The following RNF17 variants were observed in gnomAD, a reference collection of about 807,000 sequenced individuals.
RNF17 encodes the protein spermatogenesis associated 23.
In RNF17, 31 loss-of-function variants were observed where a neutral mutation model predicts 200.5. The ratio of observed to expected loss-of-function variants is 0.15; its 90% CI spans 0.12 to 0.21. The LOEUF is 0.21. RNF17 is among the 10% of genes least tolerant of loss of function. The pLI, the probability that RNF17 is intolerant of heterozygous loss-of-function variation, is 1.00. For synonymous variants in RNF17, 606 were observed against 637.8 expected (o/e 0.95, Z 0.75); for missense variants, 1,628 against 1,905.1 (o/e 0.85, Z 2.71).
chr13:24,881,386 CAACT>C, downstream of RNF17, among the ~76,000 whole-genome samples: 2 of 152,010 alleles, frequency 1.3e-5, no homozygotes, highest in Admixed American at 1.3e-4. Flanking sequence ...AGTGATCTGC[CAACT>C]TTGGCCTCCC....
chr13:24,848,379 T>C (rs1311645960), intron 22 of RNF17, among the ~76,000 whole-genome samples: 1 of 151,898 alleles, frequency 6.6e-6, no homozygotes, highest in Non-Finnish European at 1.5e-5. Context: ...AGAACATTCA[T>C]GGCCGGACGC....
intron 22 of RNF17, among the ~76,000 whole-genome samples, chr13:24,847,998 A>G (rs1159296631): frequency 6.6e-6 from 1 of 152,228 alleles, no homozygotes; most frequent in Non-Finnish European, 1.5e-5. Flanking sequence ...ATGGACTGGA[A>G]TGGAATACCA....
chr13:24,874,202 A>T lies in RNF17; in HGVS notation c.4536A>T (p.Leu1512Phe). ...AIKEFNPLSI[L>F]VQFVDYGSTA... ...AAGAATTTAATCCTTTATCTATCTT[A>T]GTACAATTTGTTGATTATGGATCAA... Residue 1512 changes from leucine to phenylalanine, a missense_variant, in exon 33 of 36, where the codon TTA becomes TTT. Leu to Phe is a conservative substitution (Grantham distance 22). Transcript: ENST00000255324. 1 of 1,609,624 alleles carries T rather than the reference A, an allele frequency of 6.2e-7. No homozygotes were observed. Among genetic ancestry groups the T allele is most frequent in the South Asian group, 1.1e-5 (1 of 90,150 alleles).
At chr13:24,775,760 G>A (rs1189255611) in intron 3 of RNF17, among the ~76,000 whole-genome samples, 2 of 152,174 alleles carry the variant, frequency 1.3e-5, no homozygotes, top group Non-Finnish European at 2.9e-5. Flanking sequence ...AGCCAGAGAT[G>A]AGTATCTATG....
chr13:24,851,227 C>G lies in RNF17; in HGVS notation c.3205-229C>G, dbSNP rs148681199. Among the ~76,000 whole-genome samples the G allele has an allele frequency of 2.5e-4, 38 of 152,346 alleles. 2 individuals are homozygous for G. The East Asian group carries it at 7.1e-3, about 29-fold the overall frequency. On this transcript the variant is annotated intron_variant, in intron 23 of 35. Coordinates refer to ENST00000255324, the MANE Select transcript of RNF17 (RefSeq NM_031277.3). The stretch of plus-strand genomic sequence containing the variant: ...CAGGCTGGTCTCAAACTCCCGACCT[C>G]AAGTGATCCGCCCACTTCTGCCTCT...
At chr13:24,813,308 TACCACCAC>T (rs1290983486) in intron 15 of RNF17, among the ~76,000 whole-genome samples, 2 of 152,124 alleles carry the variant, frequency 1.3e-5, no homozygotes, top group South Asian at 2.1e-4. Flanking sequence ...TACAGGCACA[TACCACCAC>T]ACCTGTCTAA....
chr13:24,845,814 C>T lies in RNF17; in HGVS notation c.3101+735C>T, dbSNP rs115849600. 7.5e-3 allele frequency among the ~76,000 whole-genome samples: 1,135 copies of T among 152,284 alleles called. 15 individuals are homozygous for T. The highest frequency in any genetic ancestry group is 0.025 in the African/African-American group (1,049 of 41,544). ...ACTGGAGCGTTTTTAGCCGTATAAC[C>T]TCTTGAAAGTAAACTGAAACTCCTT... On this transcript the variant is annotated intron_variant, in intron 22 of 35. Transcript: ENST00000255324.
chr13:24,844,032 G>T, intron 20 of RNF17, 61 bp downstream of exon 20: 1 of 537,120 alleles, frequency 1.9e-6, no homozygotes, highest in Non-Finnish European at 2.9e-6. Context: ...CCTTTATTCT[G>T]TTTCAAAGAT....
intron 15 of RNF17, among the ~76,000 whole-genome samples, chr13:24,815,587 G>T (rs1172601879): frequency 6.6e-6 from 1 of 151,954 alleles, no homozygotes; most frequent in Non-Finnish European, 1.5e-5. Flanking sequence ...AATGCCTCTG[G>T]CTAGGATTTC....
the RNF17 span, among the ~76,000 whole-genome samples, chr13:24,748,503 C>T: frequency 1.3e-5 from 2 of 152,176 alleles, no homozygotes; most frequent in South Asian, 4.1e-4. Flanking sequence ...CCTTTTCACA[C>T]GTAATTTATT....
Position 24,779,194 on chromosome 13 carries a change from C to CA in RNF17, c.430-463dup, listed in dbSNP as rs1054233414. Among the ~76,000 whole-genome samples, 528 of 141,716 alleles carry CA rather than the reference C, an allele frequency of 3.7e-3. 3 individuals are homozygous for CA. The highest frequency in any genetic ancestry group is 5.8e-3 in the Non-Finnish European group (376 of 65,020). The allele number at this position is 141,716 out of a possible 152,430, so 93.0% of individuals were successfully genotyped here. A position where few individuals can be genotyped will look rare whatever the true frequency, so the allele number is the denominator to read the frequency against. ...CCTGTGCAACAGTGAGACTCTGTCT[C>CA]AAAAAAAAAATAAAAAGAAAAAAAA... On this transcript the variant is annotated intron_variant, in intron 4 of 35. Coordinates refer to ENST00000255324, the MANE Select transcript of RNF17 (RefSeq NM_031277.3).
At chr13:24,885,092 G>T in the RNF17 span, among the ~76,000 whole-genome samples, 165 of 152,316 alleles carry the variant, frequency 1.1e-3, no homozygotes, top group African/African-American at 3.8e-3. Context: ...GATTACAAAG[G>T]CTTTGGAGTA....
chr13:24,764,300 A>G lies in RNF17; in HGVS notation c.97A>G (p.Thr33Ala), dbSNP rs1163659186. Residue 33 changes from threonine (T) to alanine (A), a missense_variant, in exon 1 of 36, where the codon ACC becomes GCC. Physicochemically the swap from Thr to Ala is moderately conservative, Grantham distance 58. Transcript: ENST00000255324. ...QPWGAAEIQCTRCGRRVSRSS... is the reference protein window; with the variant it reads ...QPWGAAEIQCARCGRRVSRSS... ...CTGGGGTGCCGCTGAAATCCAGTGC[A>G]CCAGGTGTGGAAGGAGGGTATCCAG... 1.2e-6 allele frequency: 2 copies of G among 1,611,278 alleles called. No individual in the cohort carries two copies. The highest frequency in any genetic ancestry group is 3.3e-5 in the Admixed American group (2 of 59,878).
At chr13:24,833,558 T>C (rs1053996772) in intron 18 of RNF17, among the ~76,000 whole-genome samples, 1 of 152,240 alleles carries the variant, frequency 6.6e-6, no homozygotes, top group African/African-American at 2.4e-5. Flanking sequence ...CCTCCTAGAA[T>C]AATTTCCCAT....
rs1319053113 is a variant in RNF17, at chr13:24,810,612, CT to C, written c.2091+6187del. ...CTTTATCCAGTTTGCCAGTCTGTGTCTTTTAATTGGAGCACTTAGTCCATTT... is the reference window on the plus strand; with the variant it reads ...CTTTATCCAGTTTGCCAGTCTGTGTCTTTAATTGGAGCACTTAGTCCATTT... On this transcript the variant is annotated intron_variant, in intron 15 of 35. Coordinates refer to ENST00000255324, the MANE Select transcript of RNF17 (RefSeq NM_031277.3). Among the ~76,000 whole-genome samples the C allele has an allele frequency of 4.1e-5, 6 of 146,904 alleles. No homozygotes were observed. The East Asian group carries it at 1.2e-3, about 29-fold the overall frequency.
rs771982099 is a variant in RNF17, at chr13:24,831,932, A to C, written c.2436A>C (p.Lys812Asn). 1 of 1,605,508 alleles carries C rather than the reference A, an allele frequency of 6.2e-7. No individual in the cohort carries two copies. Among genetic ancestry groups the C allele is most frequent in the African/African-American group, 1.3e-5 (1 of 74,804 alleles). ...AGTGGTCCAAAGAAGCTAAAGAAAA[A>C]TTTGAAGAAAAGGCTCAAGATAAAT... is the stretch of plus-strand genomic sequence containing the variant. ...TMQWSKEAKE[K>N]FEEKAQDKFM... The change falls in exon 18 of 36, where the codon AAA becomes AAC. Residue 812 changes from lysine (K) to asparagine (N), a missense_variant. Lys to Asn is a moderately conservative substitution (Grantham distance 94, BLOSUM62 0). This residue lies in a region of RNF17 where 227 missense variants were observed against 319.8 expected (regional missense o/e 0.71). Transcript: ENST00000255324.
chr13:24,848,384 G>A (rs1404164776), intron 22 of RNF17, among the ~76,000 whole-genome samples: 9 of 152,138 alleles, frequency 5.9e-5, no homozygotes, highest in African/African-American at 2.2e-4. Flanking sequence ...ATTCATGGCC[G>A]GACGCGGTGG....
At chr13:24,835,764 C>A (rs756610564) in intron 18 of RNF17, among the ~76,000 whole-genome samples, 1 of 152,186 alleles carries the variant, frequency 6.6e-6, no homozygotes, top group Non-Finnish European at 1.5e-5. Flanking sequence ...AAACAAGGCT[C>A]TTCAATACCC....
In RNF17 at chr13:24,789,380, T is replaced by C. The variant is rs1218998966; in HGVS notation, c.816T>C (p.Ser272=). 1 of 1,604,780 alleles carries C rather than the reference T, an allele frequency of 6.2e-7. No individual in the cohort carries two copies. The highest frequency in any genetic ancestry group is 8.5e-7 in the Non-Finnish European group (1 of 1,173,218). The part of the protein sequence containing the change: ...IIRTLQLTSD[S]ELAQVSSPQL... ...GGACTTTGCAGTTAACTTCAGATAG[T>C]GAATTAGCACAAGTTAGTTCTCCAC... Residue 272 remains serine (S), a synonymous_variant, in exon 8 of 36, where the codon AGT becomes AGC. Coordinates refer to ENST00000255324, the MANE Select transcript of RNF17 (RefSeq NM_031277.3).
Sources: allele counts gnomAD v4.1 joint callset (sites outside exome capture counted in the v4.1 genomes callset), GRCh38; gene constraint gnomAD v4.1.1; regional missense constraint gnomAD v4.1.1; transcripts MANE v1.5; gene names NCBI Gene and HGNC (gene_info 2026-07-23, HGNC 2026-07-21).